The following ZMAT4 variants were observed in gnomAD, a reference collection of about 807,000 sequenced individuals.
The protein encoded by ZMAT4 is zinc finger matrin-type 4.
ZMAT4 carries 17 observed loss-of-function variants against 28.7 expected under a neutral mutation model. The ratio of observed to expected loss-of-function variants is 0.59; its 90% CI spans 0.41 to 0.89. The LOEUF (loss-of-function observed/expected upper bound fraction) is 0.89, where lower values mean the gene tolerates loss of function less well. Among genes scored for constraint, ZMAT4 ranks in the 40% least tolerant of loss-of-function variants. ZMAT4 has a pLI of 0.00. For missense variants in ZMAT4, 240 were observed against 283.8 expected, an observed-to-expected ratio of 0.85 and a Z score of 1.11; for synonymous variants, 117 against 109.2, an observed-to-expected ratio of 1.07 and a Z score of -0.44.
chr8:40,884,942 A>G (rs985448415), intron 1 of ZMAT4: 2 of 152,150 alleles, frequency 1.3e-5, no homozygotes, highest in Non-Finnish European at 2.9e-5. Flanking sequence ...TAAAATATCT[A>G]CTATCTGGCT....
chr8:40,666,207 C>T (rs1426671721), intron 5 of ZMAT4, among the ~76,000 whole-genome samples: 1 of 152,148 alleles, frequency 6.6e-6, no homozygotes, highest in Non-Finnish European at 1.5e-5. Flanking sequence ...CTCTAAAGTA[C>T]TTTCAGACCA....
intron 5 of ZMAT4, among the ~76,000 whole-genome samples, chr8:40,617,080 G>A (rs907671934): frequency 1.3e-5 from 2 of 152,098 alleles, no homozygotes; most frequent in Non-Finnish European, 2.9e-5. Context: ...TTATCATGAT[G>A]TCACAATGTG....
chr8:40,572,193 C>T (rs375152566), intron 6 of ZMAT4, among the ~76,000 whole-genome samples: 3 of 152,080 alleles, frequency 2.0e-5, no homozygotes, highest in Non-Finnish European at 4.4e-5. Flanking sequence ...ATGTGGGAAG[C>T]GAATTCCAAA....
intron 2 of ZMAT4, among the ~76,000 whole-genome samples, chr8:40,783,869 G>T (rs1249836939): frequency 2.0e-5 from 3 of 152,098 alleles, no homozygotes; most frequent in Non-Finnish European, 4.4e-5. Flanking sequence ...AAATTAGCTG[G>T]GCGTGGTGGC....
chr8:40,845,671 A>G (rs1004454775), intron 1 of ZMAT4, among the ~76,000 whole-genome samples: 2 of 151,770 alleles, frequency 1.3e-5, no homozygotes, highest in Non-Finnish European at 2.9e-5. Context: ...GGGAAGACAC[A>G]GTGAAAACCT....
intron 3 of ZMAT4, among the ~76,000 whole-genome samples, chr8:40,746,894 C>T (rs948314075): frequency 6.6e-6 from 1 of 152,170 alleles, no homozygotes; most frequent in African/African-American, 2.4e-5. Context: ...CCTTAACCTT[C>T]TTACCCAGTA....
At chr8:40,581,936 A>G in intron 5 of ZMAT4, among the ~76,000 whole-genome samples, 1 of 152,312 alleles carries the variant, frequency 6.6e-6, no homozygotes, top group East Asian at 1.9e-4. Context: ...ATCTTGACTG[A>G]TCTAGAGCCA....
intron 5 of ZMAT4, among the ~76,000 whole-genome samples, chr8:40,668,856 A>G (rs1165024486): frequency 6.7e-6 from 1 of 150,004 alleles, no homozygotes; most frequent in Non-Finnish European, 1.5e-5. Flanking sequence ...GTACCTTGCC[A>G]GTAAGGAACT....
At chr8:40,759,212 GT>G (rs1449377437) in intron 3 of ZMAT4, among the ~76,000 whole-genome samples, 1 of 151,084 alleles carries the variant, frequency 6.6e-6, no homozygotes, top group Non-Finnish European at 1.5e-5. Flanking sequence ...AACCTGGGAG[GT>G]GGAGGTTGCA....
At chr8:40,633,346 TC>T (rs1478138999) in intron 5 of ZMAT4, among the ~76,000 whole-genome samples, 8 of 152,186 alleles carry the variant, frequency 5.3e-5, no homozygotes, top group African/African-American at 1.9e-4. Context: ...ACCTCTTCTG[TC>T]CCCGATAAGT....
intron 6 of ZMAT4, among the ~76,000 whole-genome samples, chr8:40,574,148 T>C (rs1804187623): frequency 6.6e-6 from 1 of 152,160 alleles, no homozygotes; most frequent in African/African-American, 2.4e-5. Flanking sequence ...ACAAAATAAA[T>C]TCTGGATATT....
intron 5 of ZMAT4, among the ~76,000 whole-genome samples, chr8:40,594,841 T>C (rs1213702385): frequency 6.6e-6 from 1 of 152,234 alleles, no homozygotes; most frequent in East Asian, 1.9e-4. Context: ...AAATGCTTCC[T>C]TATATACTAA....
At chr8:40,767,879 T>A (rs1344303847) in intron 2 of ZMAT4, 149 bp from the exon 3 acceptor site, 1 of 615,256 alleles carries the variant, frequency 1.6e-6, no homozygotes, top group Non-Finnish European at 2.7e-6. Context: ...GGATGTAGTT[T>A]CAGATAGGTT....
intron 1 of ZMAT4, among the ~76,000 whole-genome samples, chr8:40,882,717 C>T (rs970631976): frequency 5.3e-5 from 8 of 152,196 alleles, no homozygotes. Flanking sequence ...TAATCCCCCC[C>T]CATGAGACAG....
At position 40,777,604 on chromosome 8, in the gene ZMAT4, G is replaced by A. The variant is rs975620056; in HGVS notation, c.103-9874C>T. 2.6e-5 allele frequency among the ~76,000 whole-genome samples: 4 copies of A among 152,238 alleles called. No homozygotes were observed. The East Asian group carries it at 7.7e-4, about 29-fold the overall frequency. On this transcript the variant is annotated intron_variant, in intron 2 of 6. Coordinates refer to ENST00000297737, the MANE Select transcript of ZMAT4 (RefSeq NM_024645.3). ...AAAAGCAGGGCCCCTGAAGCATCTGGGCAGAGGGGCGGAGGGCATGGCTGG... is the reference window on the plus strand; with the variant it reads ...AAAAGCAGGGCCCCTGAAGCATCTGAGCAGAGGGGCGGAGGGCATGGCTGG...
At chr8:40,543,071 A>G (rs1368961612) in intron 6 of ZMAT4, among the ~76,000 whole-genome samples, 1 of 152,084 alleles carries the variant, frequency 6.6e-6, no homozygotes, top group Non-Finnish European at 1.5e-5. Context: ...AAATCCACAG[A>G]TAGAGTGAAT....
chr8:40,647,693 A>G (rs1291953051), intron 5 of ZMAT4, among the ~76,000 whole-genome samples: 2 of 152,198 alleles, frequency 1.3e-5, no homozygotes, highest in African/African-American at 4.8e-5. Flanking sequence ...AGCTTTGAAG[A>G]GAGCAGTGGT....
chr8:40,847,510 G>A (rs897849245), intron 1 of ZMAT4, among the ~76,000 whole-genome samples: 1 of 152,166 alleles, frequency 6.6e-6, no homozygotes, highest in Non-Finnish European at 1.5e-5. Flanking sequence ...AGCCAGGTGC[G>A]CTGAGGAAGA....
intron 5 of ZMAT4, among the ~76,000 whole-genome samples, chr8:40,667,852 CA>C (rs371430045): frequency 0.012 from 1,626 of 134,780 alleles, 22 homozygotes; most frequent in African/African-American, 0.025. Context: ...AAAAAAACAA[CA>C]AAAAAAAAAA....
Sources: allele counts gnomAD v4.1 joint callset (sites outside exome capture counted in the v4.1 genomes callset), GRCh38; gene constraint gnomAD v4.1.1; transcripts MANE v1.5; gene names NCBI Gene and HGNC (gene_info 2026-07-23, HGNC 2026-07-21).